The following DAB1 variants were observed in gnomAD, a reference collection of about 807,000 sequenced individuals.
DAB1 encodes the protein DAB adaptor protein 1.
Under a neutral mutation model 64.6 loss-of-function variants are expected in DAB1, and 15 were observed. The observed-to-expected ratio is 0.23, with a 90% CI of 0.16 to 0.36. The LOEUF (loss-of-function observed/expected upper bound fraction) is 0.36. Ranked by LOEUF, DAB1 falls within the 10% of genes least tolerant of loss-of-function variation. DAB1 has a pLI of 1.00. For synonymous variants in DAB1, 235 were observed against 251.9 expected (o/e 0.93, Z 0.64); for missense variants, 596 against 706.7 (o/e 0.84, Z 1.78).
intron 3 of DAB1, among the ~76,000 whole-genome samples, chr1:58,349,119 C>T (rs982114449): frequency 6.6e-6 from 1 of 152,212 alleles, no homozygotes. Context: ...TGGCACATGA[C>T]ATCAGGATGC....
At chr1:57,935,762 T>C (rs892212813) in intron 5 of DAB1, among the ~76,000 whole-genome samples, 9 of 152,002 alleles carry the variant, frequency 5.9e-5, no homozygotes, top group African/African-American at 1.9e-4. Context: ...AACGAGTGCA[T>C]AAAAAGCTGC....
At chr1:58,064,551 A>C (rs941086161) in intron 5 of DAB1, among the ~76,000 whole-genome samples, 20 of 152,252 alleles carry the variant, frequency 1.3e-4, no homozygotes, top group African/African-American at 4.3e-4. Context: ...TCGTCAACCC[A>C]CCAGCCTTGA....
intron 4 of DAB1, among the ~76,000 whole-genome samples, chr1:58,340,367 G>A (rs1643914683): frequency 1.3e-5 from 2 of 152,106 alleles, no homozygotes; most frequent in African/African-American, 4.8e-5. Flanking sequence ...CATGAGCCGG[G>A]CCCCTTAAAC....
chr1:57,303,630 A>G (rs999011742), intron 1 of DAB1, among the ~76,000 whole-genome samples: 3 of 152,170 alleles, frequency 2.0e-5, no homozygotes, highest in African/African-American at 7.2e-5. Context: ...AGTTAGCAGA[A>G]GTGAGCACTA....
At chr1:57,197,939 T>A (rs1019241182) in intron 2 of DAB1, among the ~76,000 whole-genome samples, 4 of 136,340 alleles carry the variant, frequency 2.9e-5, no homozygotes, top group Admixed American at 2.8e-4. Context: ...ACTGCAGTAG[T>A]GTTAGTAAAA....
At chr1:57,418,628 C>CA (rs1278731929) in intron 1 of DAB1, among the ~76,000 whole-genome samples, 1 of 152,144 alleles carries the variant, frequency 6.6e-6, no homozygotes, top group Admixed American at 6.5e-5. Flanking sequence ...TTCACCACCA[C>CA]AAAATTTTCG....
intron 5 of DAB1, among the ~76,000 whole-genome samples, chr1:58,107,394 C>A (rs1651718218): frequency 6.6e-6 from 1 of 150,728 alleles, no homozygotes; most frequent in Non-Finnish European, 1.5e-5. Context: ...TCGCTTGAAT[C>A]CAGGAGGCGG....
chr1:57,837,698 A>G (rs903252770), intron 1 of DAB1, among the ~76,000 whole-genome samples: 4 of 151,852 alleles, frequency 2.6e-5, no homozygotes. Flanking sequence ...GATTTCCCCC[A>G]TACACACATG....
intron 5 of DAB1, among the ~76,000 whole-genome samples, chr1:57,992,490 A>G (rs1646359405): frequency 6.6e-6 from 1 of 152,186 alleles, no homozygotes; most frequent in East Asian, 1.9e-4. Context: ...GGAGTAAGAA[A>G]GGGAAATTTT....
chr1:58,456,819 A>G (rs1220448320), intron 3 of DAB1, among the ~76,000 whole-genome samples: 1 of 152,194 alleles, frequency 6.6e-6, no homozygotes, highest in East Asian at 1.9e-4. Flanking sequence ...ACTATAGACA[A>G]GTCAGTATCT....
intron 4 of DAB1, among the ~76,000 whole-genome samples, chr1:58,218,218 C>G (rs778578288): frequency 2.0e-4 from 30 of 152,056 alleles, no homozygotes; most frequent in Non-Finnish European, 5.9e-5. Flanking sequence ...GATATTCATG[C>G]ACTCAAGAGA....
At chr1:57,008,423 T>C (rs1016041500) in intron 14 of DAB1, among the ~76,000 whole-genome samples, 8 of 152,098 alleles carry the variant, frequency 5.3e-5, no homozygotes, top group African/African-American at 1.7e-4. Context: ...ATGATGATAA[T>C]GATGATGATA....
At chr1:57,071,475 T>C in intron 6 of DAB1, 47 bp downstream of exon 6, 1 of 1,586,564 alleles carries the variant, frequency 6.3e-7, no homozygotes, top group Non-Finnish European at 8.5e-7. Flanking sequence ...TACATGTGTT[T>C]ATTTGAAGGC....
At chr1:57,071,745 T>A in intron 5 of DAB1, 104 bp from the exon 6 acceptor site, 2 of 1,102,902 alleles carry the variant, frequency 1.8e-6, no homozygotes, top group Non-Finnish European at 2.6e-6. Context: ...CTTTTTCTAT[T>A]AATCTGAAAG....
At chr1:57,630,447 G>GA (rs950259657) in intron 7 of DAB1, among the ~76,000 whole-genome samples, 20 of 152,224 alleles carry the variant, frequency 1.3e-4, no homozygotes, top group African/African-American at 2.2e-4. Flanking sequence ...ATTTCTGCGA[G>GA]AAAAAAATGT....
chr1:57,362,969 T>C (rs1383982848), intron 1 of DAB1, among the ~76,000 whole-genome samples: 1 of 152,192 alleles, frequency 6.6e-6, no homozygotes, highest in East Asian at 1.9e-4. Context: ...AGATGAAATA[T>C]TTGGACTAAA....
intron 5 of DAB1, among the ~76,000 whole-genome samples, chr1:57,960,487 C>T (rs1325962888): frequency 8.3e-6 from 1 of 120,360 alleles, no homozygotes; most frequent in Non-Finnish European, 1.8e-5. Context: ...CAGTAAGGAA[C>T]CAAATTAAAA....
At chr1:57,001,128 A>C (rs1645846586) in intron 14 of DAB1, among the ~76,000 whole-genome samples, 1 of 152,180 alleles carries the variant, frequency 6.6e-6, no homozygotes, top group Admixed American at 6.5e-5. Flanking sequence ...CTTCCTTATT[A>C]TGGAATCTTA....
chr1:57,233,027 A>G (rs184035149), intron 2 of DAB1, among the ~76,000 whole-genome samples: 335 of 152,218 alleles, frequency 2.2e-3, no homozygotes, highest in Admixed American at 4.0e-3. Context: ...AGAACTGTGT[A>G]GGCTGTCCTG....
Sources: gnomAD v4.1 joint callset for allele counts (sites outside exome capture counted in the v4.1 genomes callset) on GRCh38, gnomAD v4.1.1 for gene constraint, MANE v1.5 for transcripts, NCBI Gene and HGNC (gene_info 2026-07-23, HGNC 2026-07-21) for gene names.